ABR: variants seen among roughly 807,000 people sequenced by gnomAD.
ABR encodes active breakpoint cluster region-related protein.
ABR carries 35 observed loss-of-function variants against 107.2 expected under a neutral mutation model. That is an observed-to-expected ratio of 0.33 (90% CI 0.25 to 0.43). The LOEUF is 0.43. Ranked by LOEUF, ABR falls within the 20% of genes least tolerant of loss-of-function variation. The probability of loss-of-function intolerance (pLI) is 1.00; values close to 1 mark genes in which losing one functional copy is unlikely to be tolerated. For missense variants in ABR, 815 were observed against 1,115.2 expected (o/e 0.73, Z 3.83); for synonymous variants, 498 against 462.0 (o/e 1.08, Z -1.00).
chr17:1,135,256 C>A (rs1485725684), intron 1 of ABR, among the ~76,000 whole-genome samples: 1 of 152,206 alleles, frequency 6.6e-6, no homozygotes, highest in Non-Finnish European at 1.5e-5. Context: ...GTGAGCTGAG[C>A]CGAGAGCCGT....
At chr17:1,083,329 A>T (rs912236165) in intron 5 of ABR, 191 bp downstream of exon 5, 45 of 359,536 alleles carry the variant, frequency 1.3e-4, no homozygotes, top group Middle Eastern at 7.6e-4. Context: ...GAATAATAAA[A>T]AAATAAATAA....
Position 1,154,827 on chromosome 17 carries a change from C to T in ABR, c.61+24840G>A, listed in dbSNP as rs1432155451. The T allele has an allele frequency of 6.6e-6, 1 of 152,464 alleles. No individual in the cohort carries two copies. Among genetic ancestry groups the T allele is most frequent in the African/African-American group, 2.4e-5 (1 of 41,438 alleles). The allele number at this position is 152,464 out of a possible 1,614,324, so 9.4% of individuals were successfully genotyped here. A position where few individuals can be genotyped will look rare whatever the true frequency, so the allele number is the denominator to read the frequency against. ...CCAAGAATGCTTCCCTCCTGCAGGC[C>T]CCGCTCCCTTCCCCATTCCAGCAGC... On this transcript the variant is annotated intron_variant, in intron 1 of 22. Transcript: ENST00000302538. The surrounding 1 kb of genome is among the most constrained non-coding windows in gnomAD (Gnocchi z 4.0).
chr17:1,119,480 GAGCCTGAGTTCCTCCCAGCGTTATC>G (rs1272355787), intron 2 of ABR, among the ~76,000 whole-genome samples: 1 of 86,542 alleles, frequency 1.2e-5, no homozygotes, highest in African/African-American at 3.8e-5. Context: ...CGTTATCCCT[GAGCCTGAGTTCCTCCCAGCGTTATC>G]CCTGAGCCTG....
At chr17:1,081,284 A>G (rs1238577461) in intron 5 of ABR, among the ~76,000 whole-genome samples, 1 of 152,198 alleles carries the variant, frequency 6.6e-6, no homozygotes, top group Non-Finnish European at 1.5e-5. Flanking sequence ...CATGTTTCCC[A>G]GGCCGGTCTT....
chr17:1,229,177 C>T (rs987170785), exon 1 of ABR, among the ~76,000 whole-genome samples: 1 of 151,586 alleles, frequency 6.6e-6, no homozygotes, highest in Admixed American at 6.6e-5. Flanking sequence ...CCCCCCTCGT[C>T]CGTGCCGGGA....
chr17:1,079,775 C>T lies in ABR; in HGVS notation c.640-385G>A, dbSNP rs1188077632. 1.4e-3 allele frequency among the ~76,000 whole-genome samples: 161 copies of T among 114,708 alleles called. 2 individuals are homozygous for T. Among genetic ancestry groups the T allele is most frequent in the Non-Finnish European group, 2.1e-3 (120 of 58,152 alleles). 75.3% of individuals were successfully genotyped at this position (114,708 alleles called of 152,430 possible). On this transcript the variant is annotated intron_variant, in intron 5 of 22. Coordinates refer to ENST00000302538, the MANE Select transcript of ABR (RefSeq NM_021962.5). ...TTGCACTCCAGCCTGGGCAACAGGG[C>T]GAGACTCTGTCTCAAAAAAAAAAAA...
chr17:1,140,190 G>A (rs2040233798), intron 1 of ABR, among the ~76,000 whole-genome samples: 1 of 152,236 alleles, frequency 6.6e-6, no homozygotes. Context: ...GGCAAAGTCT[G>A]GCGATGGGAG....
intron 1 of ABR, among the ~76,000 whole-genome samples, chr17:1,134,667 G>A (rs112582754): frequency 0.023 from 3,525 of 152,314 alleles, 137 homozygotes; most frequent in African/African-American, 0.08. Context: ...GGCCTCAAAG[G>A]CCCGGCAAGG....
chr17:1,134,522 G>C (rs1485400135), intron 1 of ABR, among the ~76,000 whole-genome samples: 7 of 152,210 alleles, frequency 4.6e-5, no homozygotes, highest in Non-Finnish European at 1.0e-4. Flanking sequence ...CTCATTTCCT[G>C]CTCATGGGAA....
At position 1,097,522 on chromosome 17, in the gene ABR, C is replaced by T. The variant is rs559698640; in HGVS notation, c.345+3115G>A. Among the ~76,000 whole-genome samples the T allele has an allele frequency of 4.4e-5, 6 of 136,184 alleles. No individual in the cohort carries two copies. In the South Asian group the frequency reaches 1.2e-3, roughly 28 times the overall value. 89.3% of individuals were successfully genotyped at this position (136,184 alleles called of 152,430 possible). A position where few individuals can be genotyped will look rare whatever the true frequency, so the allele number is the denominator to read the frequency against. Reference sequence around the variant, plus strand: ...AGGAGAATGGCTTGAACCCAGGAGGCGGAGGTTATAATGAGCCGAGATTGT... The same window carrying T: ...AGGAGAATGGCTTGAACCCAGGAGGTGGAGGTTATAATGAGCCGAGATTGT... On this transcript the variant is annotated intron_variant, in intron 3 of 22. Transcript: ENST00000302538.
At position 1,050,478 on chromosome 17, in the gene ABR, A is replaced by G; in HGVS notation, c.1659+59T>C. 6.7e-7 allele frequency: 1 copy of G among 1,486,332 alleles called. No individual in the cohort carries two copies. Among genetic ancestry groups the G allele is most frequent in the Non-Finnish European group, 9.4e-7 (1 of 1,064,240 alleles). 92.1% of individuals were successfully genotyped at this position (1,486,332 alleles called of 1,614,324 possible). A position where few individuals can be genotyped will look rare whatever the true frequency, so the allele number is the denominator to read the frequency against. On this transcript the variant is annotated intron_variant, in intron 15 of 22. Coordinates refer to ENST00000302538, the MANE Select transcript of ABR (RefSeq NM_021962.5). This position sits in a 1 kb window ranked among gnomAD's most constrained non-coding sequence, Gnocchi z 4.6. ...CCAATGGGCTGGCCGTCCCCAGCAG[A>G]CAAGCCACGAGCACGGGGTGGTGGG...
intron 1 of ABR, among the ~76,000 whole-genome samples, chr17:1,221,751 T>G (rs960115930): frequency 2.6e-5 from 4 of 152,204 alleles, no homozygotes; most frequent in African/African-American, 7.2e-5. Context: ...AGGATCTGCG[T>G]AGAAAACAGA....
In ABR at chr17:1,050,901, C is replaced by T. The variant is rs2032421598; in HGVS notation, c.1562-267G>A. ...CCACACTCTGCCCTTCCCACCTCGG[C>T]CCTCCCCACACTCTGCCCTTCCCAC... On this transcript the variant is annotated intron_variant, in intron 14 of 22. Transcript: ENST00000302538. This position sits in a 1 kb window ranked among gnomAD's most constrained non-coding sequence, Gnocchi z 4.6. Among the ~76,000 whole-genome samples the T allele has an allele frequency of 6.6e-6, 1 of 151,782 alleles. No individual in the cohort carries two copies.
At chr17:1,114,634 G>A (rs1458565309) in intron 2 of ABR, among the ~76,000 whole-genome samples, 5 of 152,056 alleles carry the variant, frequency 3.3e-5, no homozygotes, top group African/African-American at 7.2e-5. Flanking sequence ...TTAGCTAGGC[G>A]TGGTGGTGGA....
intron 1 of ABR, among the ~76,000 whole-genome samples, chr17:1,142,823 C>G (rs1379294322): frequency 1.3e-5 from 2 of 152,144 alleles, no homozygotes; most frequent in East Asian, 1.9e-4. Flanking sequence ...CACTCAGGAC[C>G]CTCGGCCTGG....
At chr17:1,083,846 G>A (rs528399489) in intron 4 of ABR, 125 of 528,918 alleles carry the variant, frequency 2.4e-4, no homozygotes, top group Admixed American at 7.1e-4. Flanking sequence ...AGGTTAATGA[G>A]GGGGTCTGGG....
rs935598624 is a variant in ABR, at chr17:1,004,615, G to A, written c.*1465C>T. Reference sequence around the variant, plus strand: ...GCCGCAGCTCGTGTGGGAAGTGTACGGTGGGAACACACCTCACTCCTTCCT... The same window carrying A: ...GCCGCAGCTCGTGTGGGAAGTGTACAGTGGGAACACACCTCACTCCTTCCT... On this transcript the variant is annotated 3_prime_UTR_variant, in exon 23 of 23. Transcript: ENST00000302538. The A allele has an allele frequency of 3.2e-5, 5 of 158,600 alleles. No individual in the cohort carries two copies. The highest frequency in any genetic ancestry group is 3.2e-3 in the Middle Eastern group (1 of 310). 9.8% of individuals were successfully genotyped at this position (158,600 alleles called of 1,614,324 possible). A position where few individuals can be genotyped will look rare whatever the true frequency, so the allele number is the denominator to read the frequency against.
At position 1,070,678 on chromosome 17, in the gene ABR, C is replaced by T. The variant is rs376937923; in HGVS notation, c.895-588G>A. Among the ~76,000 whole-genome samples the T allele has an allele frequency of 3.3e-5, 5 of 152,098 alleles. No homozygotes were observed. The East Asian group carries it at 5.8e-4, about 18-fold the overall frequency. On this transcript the variant is annotated intron_variant, in intron 8 of 22. Transcript: ENST00000302538. This position sits in a 1 kb window ranked among gnomAD's most constrained non-coding sequence, Gnocchi z 4.2. ...CCTCCAGCCTGGGACTGCAGCAGTG[C>T]CCAGAGGGGACCTGCAGCCAACTCT...
chr17:1,179,244 A>C lies in ABR; in HGVS notation c.61+423T>G, dbSNP rs1338930081. Among the ~76,000 whole-genome samples, 1 of 151,700 alleles carries C rather than the reference A, an allele frequency of 6.6e-6. No individual in the cohort carries two copies. The highest frequency in any genetic ancestry group is 1.5e-5 in the Non-Finnish European group (1 of 67,920). On this transcript the variant is annotated intron_variant, in intron 1 of 22. Coordinates refer to ENST00000302538, the MANE Select transcript of ABR (RefSeq NM_021962.5). The surrounding 1 kb of genome is among the most constrained non-coding windows in gnomAD (Gnocchi z 4.9). ...ACTCGGGTGCCAACGACTGCTCCCA[A>C]AACGGCCTTTCGGCTTCAGCCTGGA... is the stretch of plus-strand genomic sequence containing the variant.
Sources: allele counts gnomAD v4.1 joint callset (sites outside exome capture counted in the v4.1 genomes callset), GRCh38; gene constraint gnomAD v4.1.1; non-coding constraint Gnocchi (gnomAD v3.1); transcripts MANE v1.5; gene names NCBI Gene and HGNC (gene_info 2026-07-23, HGNC 2026-07-21).